NLRC3: variants seen among roughly 807,000 people sequenced by gnomAD.
The protein encoded by NLRC3 is NLR family CARD domain-containing protein 3.
In NLRC3, 87 loss-of-function variants were observed where a neutral mutation model predicts 91.6. That is an observed-to-expected ratio of 0.95 (90% CI 0.80 to 1.14). The LOEUF is 1.14. NLRC3 is among the 50% of genes most tolerant of loss of function. The pLI, the probability that NLRC3 is intolerant of heterozygous loss-of-function variation, is 0.00. For synonymous variants in NLRC3, 694 were observed against 625.3 expected, an observed-to-expected ratio of 1.11 and a Z score of -1.64; for missense variants, 1,577 against 1,418.6, an observed-to-expected ratio of 1.11 and a Z score of -1.79.
chr16:3,565,669 ACT>A (rs930389765), intron 2 of NLRC3, among the ~76,000 whole-genome samples: 9 of 151,440 alleles, frequency 5.9e-5, no homozygotes, highest in African/African-American at 2.2e-4. Flanking sequence ...CAGTAACATG[ACT>A]CTGTAGGGTA....
rs755671116 is a variant in NLRC3 at position 3,565,093 on chromosome 16, C to T, written c.-24-33G>A. The T allele has an allele frequency of 5.9e-6, 9 of 1,532,608 alleles. No individual in the cohort carries two copies. In the East Asian group the frequency reaches 9.1e-5, roughly 16 times the overall value. The allele number at this position is 1,532,608 out of a possible 1,614,324, so 94.9% of individuals were successfully genotyped here. Reference sequence around the variant, plus strand: ...GAGAGGGCCTGAACCTGCTGCCTGCCGTGCCCCCCATCCAGCAGCCTGGGA... The same window carrying T: ...GAGAGGGCCTGAACCTGCTGCCTGCTGTGCCCCCCATCCAGCAGCCTGGGA... On this transcript the variant is annotated intron_variant, in intron 3 of 19. Coordinates refer to ENST00000359128, the MANE Select transcript of NLRC3 (RefSeq NM_178844.4).
At chr16:3,561,618 C>T (rs990420390) in intron 6 of NLRC3, 84 bp downstream of exon 6, 43 of 941,504 alleles carry the variant, frequency 4.6e-5, no homozygotes, top group Middle Eastern at 4.5e-4. Flanking sequence ...GCGCCGCTGG[C>T]CAGCTGAGCA....
intron 2 of NLRC3, among the ~76,000 whole-genome samples, chr16:3,565,907 G>T (rs1283108919): frequency 2.6e-5 from 4 of 151,620 alleles, no homozygotes; most frequent in Admixed American, 6.6e-5. Context: ...CTGGTATGGG[G>T]TGTGTGCCAG....
chr16:3,574,838 T>C (rs1293948001), intron 1 of NLRC3, among the ~76,000 whole-genome samples: 1 of 152,066 alleles, frequency 6.6e-6, no homozygotes, highest in East Asian at 1.9e-4. Flanking sequence ...GGTGGATGTC[T>C]GTAGTCCCAG....
chr16:3,563,163 G>A lies in NLRC3; in HGVS notation c.1774C>T (p.Leu592=). Residue 592 remains leucine (L), a synonymous_variant, in exon 5 of 20, where the codon CTG becomes TTG. Transcript: ENST00000359128. ...SVEEAMESGA[L]ARLTGPAHRA... is the part of the protein sequence containing the mutation. ...TGCGCGGGACCAGTCAGCCTGGCCA[G>A]GGCCCCGCTCTCCATGGCCTCCTCC... The A allele has an allele frequency of 6.3e-7, 1 of 1,591,226 alleles. No homozygotes were observed. The highest frequency in any genetic ancestry group is 1.9e-4 in the Middle Eastern group (1 of 5,132).
intron 15 of NLRC3, among the ~76,000 whole-genome samples, chr16:3,546,230 T>C (rs920197772): frequency 1.3e-5 from 2 of 151,938 alleles, no homozygotes; most frequent in Admixed American, 1.3e-4. Context: ...AGGCCCCATC[T>C]CTTTAAAAAA....
rs199475932 is a variant in NLRC3, at chr16:3,577,321, C to A, written c.-341G>T. 153 of 650,460 alleles carry A rather than the reference C, an allele frequency of 2.4e-4. No individual in the cohort carries two copies. Among genetic ancestry groups the A allele is most frequent in the Non-Finnish European group, 2.5e-4 (90 of 357,786 alleles). The allele number at this position is 650,460 out of a possible 1,614,324, so 40.3% of individuals were successfully genotyped here. A position where few individuals can be genotyped will look rare whatever the true frequency, so the allele number is the denominator to read the frequency against. Reference sequence around the variant, plus strand: ...GGATCAGGGCACTTACCACGCCAACCAACCAACCGTGTGGGGGCCGAGAGC... The same window carrying A: ...GGATCAGGGCACTTACCACGCCAACAAACCAACCGTGTGGGGGCCGAGAGC... On this transcript the variant is annotated 5_prime_UTR_variant, in exon 1 of 20. Coordinates refer to ENST00000359128, the MANE Select transcript of NLRC3 (RefSeq NM_178844.4).
chr16:3,551,015 A>G (rs1367267400), intron 10 of NLRC3, among the ~76,000 whole-genome samples: 1 of 151,436 alleles, frequency 6.6e-6, no homozygotes, highest in Non-Finnish European at 1.5e-5. Flanking sequence ...CCATCCACCT[A>G]CTCACCTACC....
chr16:3,544,047 G>C (rs1404516138), intron 16 of NLRC3, 199 bp downstream of exon 16: 1 of 566,196 alleles, frequency 1.8e-6, no homozygotes, highest in East Asian at 2.9e-5. Flanking sequence ...CCCAACTACT[G>C]TATGGGAGGC....
intron 12 of NLRC3, 110 bp downstream of exon 12, chr16:3,549,587 G>A: frequency 1.2e-6 from 1 of 853,108 alleles, no homozygotes; most frequent in Non-Finnish European, 1.9e-6. Flanking sequence ...CTGCCAGGAA[G>A]GCTTCCCCAG....
Position 3,549,718 on chromosome 16 carries a change from T to A in NLRC3, c.2498A>T (p.Asn833Ile). ...TTACCTGAGGCTGAGGAGGGTCTGGTTGGTGCAGAGGGCCCCCATCAGTGC... is the reference window on the plus strand; with the variant it reads ...TTACCTGAGGCTGAGGAGGGTCTGGATGGTGCAGAGGGCCCCCATCAGTGC... ...VAALMGALCT[N>I]QTLLSLSLRE... The change falls in exon 12 of 20, where the codon AAC becomes ATC. Residue 833 changes from asparagine to isoleucine, a missense_variant. Coordinates refer to ENST00000359128, the MANE Select transcript of NLRC3 (RefSeq NM_178844.4). 2 of 1,551,226 alleles carry A rather than the reference T, an allele frequency of 1.3e-6. No individual in the cohort carries two copies. Among genetic ancestry groups the A allele is most frequent in the South Asian group, 1.2e-5 (1 of 84,038 alleles).
chr16:3,548,364 C>T, intron 14 of NLRC3, 146 bp from the exon 15 acceptor site: 1 of 701,764 alleles, frequency 1.4e-6, no homozygotes, highest in Non-Finnish European at 2.5e-6. Flanking sequence ...ACTTAGTTCT[C>T]AGAGGGTCAC....
chr16:3,562,510 G>A (rs1043085475), intron 5 of NLRC3, among the ~76,000 whole-genome samples: 36 of 152,190 alleles, frequency 2.4e-4, no homozygotes, highest in Middle Eastern at 3.4e-3. Flanking sequence ...GCATGATGGC[G>A]GGCACCTGTA....
intron 12 of NLRC3, among the ~76,000 whole-genome samples, chr16:3,549,484 G>T (rs2038882931): frequency 6.6e-6 from 1 of 152,144 alleles, no homozygotes; most frequent in Admixed American, 6.5e-5. Flanking sequence ...GGGGACAGGT[G>T]GCTCAGCGTG....
At position 3,564,805 on chromosome 16, in the gene NLRC3, C is replaced by T. The variant is rs748582223; in HGVS notation, c.179-47G>A. On this transcript the variant is annotated intron_variant, in intron 4 of 19. Transcript: ENST00000359128. The surrounding 1 kb of genome is among the most constrained non-coding windows in gnomAD (Gnocchi z 5.9). ...GGAGGTCTGGTAAGGGAAGAGTGGG[C>T]ACAATCAGCCCAGGTGTTCCCCACC... 3 of 1,569,410 alleles carry T rather than the reference C, an allele frequency of 1.9e-6. No individual in the cohort carries two copies. The highest frequency in any genetic ancestry group is 2.6e-6 in the Non-Finnish European group (3 of 1,160,084).
chr16:3,553,265 G>A (rs2039106701), intron 9 of NLRC3, among the ~76,000 whole-genome samples: 1 of 152,168 alleles, frequency 6.6e-6, no homozygotes, highest in Non-Finnish European at 1.5e-5. Flanking sequence ...AGCAAAATCA[G>A]CCTCTGGCCA....
At chr16:3,562,384 T>A (rs1035637862) in intron 5 of NLRC3, among the ~76,000 whole-genome samples, 2 of 152,120 alleles carry the variant, frequency 1.3e-5, no homozygotes, top group Non-Finnish European at 2.9e-5. Context: ...CTCAGGCCTG[T>A]AATCCCAGCA....
intron 15 of NLRC3, among the ~76,000 whole-genome samples, chr16:3,547,480 C>T (rs191239041): frequency 2.0e-5 from 3 of 151,878 alleles, no homozygotes; most frequent in Non-Finnish European, 4.4e-5. Flanking sequence ...GTGATGATTG[C>T]ATCACCGAAT....
At chr16:3,551,498 T>TCCACCTGCCTACCCATCCACCA in intron 10 of NLRC3, among the ~76,000 whole-genome samples, 1 of 149,490 alleles carries the variant, frequency 6.7e-6, no homozygotes, top group East Asian at 2.1e-4. Flanking sequence ...CATCCCTCCA[T>TCCACCTGCCTACCCATCCACCA]CTACCCACTC....
Sources: gnomAD v4.1 joint callset for allele counts (sites outside exome capture counted in the v4.1 genomes callset) on GRCh38, gnomAD v4.1.1 for gene constraint, Gnocchi (gnomAD v3.1) non-coding constraint, MANE v1.5 for transcripts, NCBI Gene and HGNC (gene_info 2026-07-23, HGNC 2026-07-21) for gene names.